HECTD4: variants seen among roughly 807,000 people sequenced by gnomAD.
HECTD4 encodes the protein probable E3 ubiquitin-protein ligase HECTD4.
HECTD4 carries 114 observed loss-of-function variants against 471.5 expected under a neutral mutation model. That is an observed-to-expected ratio of 0.24 (90% CI 0.21 to 0.28). The LOEUF is 0.28. HECTD4 is among the 10% of genes least tolerant of loss of function. HECTD4 has a pLI of 1.00. For synonymous variants in HECTD4, 2,012 were observed against 2,256.0 expected, an observed-to-expected ratio of 0.89 and a Z score of 3.07; for missense variants, 3,866 against 5,651.5, an observed-to-expected ratio of 0.68 and a Z score of 10.13.
chr12:112,250,024 T>C, intron 25 of HECTD4, 120 bp downstream of exon 25: 1 of 760,170 alleles, frequency 1.3e-6, no homozygotes, highest in Admixed American at 2.4e-5. Flanking sequence ...ATTTTAACAT[T>C]CATGGAGTAA....
At chr12:112,169,924 G>A in intron 69 of HECTD4, 2 of 579,768 alleles carry the variant, frequency 3.4e-6, no homozygotes, top group East Asian at 2.9e-5. Context: ...TGCCTCTTGG[G>A]GAGGTCCTCG....
chr12:112,357,332 C>T (rs543848014), intron 1 of HECTD4, among the ~76,000 whole-genome samples: 3 of 152,242 alleles, frequency 2.0e-5, no homozygotes, highest in Admixed American at 1.3e-4. Flanking sequence ...GAAGTAGACA[C>T]GGACAGTGAG....
intron 55 of HECTD4, among the ~76,000 whole-genome samples, chr12:112,196,297 T>C (rs1348906243): frequency 2.6e-5 from 4 of 152,090 alleles, no homozygotes; most frequent in Non-Finnish European, 5.9e-5. Context: ...ACTTGATGAG[T>C]GTATGTGTGA....
intron 13 of HECTD4, 39 bp downstream of exon 13, chr12:112,269,665 A>T: frequency 1.2e-6 from 2 of 1,608,020 alleles, no homozygotes; most frequent in South Asian, 1.1e-5. Context: ...CAGAAGAATC[A>T]TTTTGCAGAG....
intron 11 of HECTD4, 36 bp downstream of exon 11, chr12:112,273,618 GA>G: frequency 6.2e-7 from 1 of 1,602,672 alleles, no homozygotes; most frequent in Non-Finnish European, 8.5e-7. Flanking sequence ...TATTTCAGAG[GA>G]AAATCTTTTC....
At chr12:112,320,295 C>T (rs1483238947) in intron 1 of HECTD4, among the ~76,000 whole-genome samples, 1 of 152,050 alleles carries the variant, frequency 6.6e-6, no homozygotes, top group Non-Finnish European at 1.5e-5. Context: ...TGATGGTGCC[C>T]TGCACTACAG....
chr12:112,291,569 T>A (rs1452987636), intron 7 of HECTD4, among the ~76,000 whole-genome samples: 2 of 151,678 alleles, frequency 1.3e-5, no homozygotes, highest in Non-Finnish European at 2.9e-5. Context: ...GACCCCCCCA[T>A]CTTTAAAAAA....
intron 1 of HECTD4, among the ~76,000 whole-genome samples, chr12:112,362,908 G>GCC (rs1194522264): frequency 1.3e-5 from 2 of 152,020 alleles, no homozygotes; most frequent in African/African-American, 4.8e-5. Flanking sequence ...CACCATGTTT[G>GCC]CCAGGCTGGT....
intron 55 of HECTD4, among the ~76,000 whole-genome samples, chr12:112,200,207 G>A (rs1349154814): frequency 6.6e-6 from 1 of 150,738 alleles, no homozygotes; most frequent in African/African-American, 2.4e-5. Flanking sequence ...GGGTTGGAGT[G>A]CAGTGGCACA....
At chr12:112,180,824 T>TG (rs1292192351) in intron 62 of HECTD4, among the ~76,000 whole-genome samples, 3 of 152,198 alleles carry the variant, frequency 2.0e-5, no homozygotes, top group Admixed American at 6.5e-5. Context: ...GGGACAAGGC[T>TG]GGGACCAGGG....
At chr12:112,191,098 G>A in intron 59 of HECTD4, 133 bp from the exon 60 acceptor site, 1 of 687,346 alleles carries the variant, frequency 1.5e-6, no homozygotes, top group Non-Finnish European at 2.4e-6. Flanking sequence ...TCCAGCAGGA[G>A]GACACATAAC....
At position 112,381,870 on chromosome 12, in the gene HECTD4, T is replaced by TG; in HGVS notation, c.177+81dup. 2 of 1,028,106 alleles carry TG rather than the reference T, an allele frequency of 1.9e-6. No homozygotes were observed. The highest frequency in any genetic ancestry group is 2.5e-6 in the Non-Finnish European group (2 of 807,472). The allele number at this position is 1,028,106 out of a possible 1,614,324, so 63.7% of individuals were successfully genotyped here. ...AGCCGCCGGGAGGCGAGGCCGCGGC[T>TG]GAGGCGAGGAGGGGGCCCGACCCGG... On this transcript the variant is annotated intron_variant, in intron 1 of 75. Transcript: ENST00000682272. This position sits in a 1 kb window ranked among gnomAD's most constrained non-coding sequence, Gnocchi z 4.1.
Position 112,179,441 on chromosome 12 carries a change from C to A in HECTD4, c.10988-44G>T. ...GCAAAACAATTCTGCCGTGAACATG[C>A]ATCGGGACAAGCCCTGCGAGCATTC... On this transcript the variant is annotated intron_variant, in intron 62 of 75. Transcript: ENST00000682272. This position sits in a 1 kb window ranked among gnomAD's most constrained non-coding sequence, Gnocchi z 4.3. The A allele has an allele frequency of 6.6e-7, 1 of 1,506,368 alleles. No individual in the cohort carries two copies. Among genetic ancestry groups the A allele is most frequent in the Non-Finnish European group, 9.1e-7 (1 of 1,097,082 alleles). 93.3% of individuals were successfully genotyped at this position (1,506,368 alleles called of 1,614,324 possible).
Position 112,217,200 on chromosome 12 carries a change from A to G in HECTD4, c.7075-5T>C, listed in dbSNP as rs781289812. ...GCTCCAAGTAATCTCTTTGGGCTGC[A>G]TCAGGGAGAAAAACCCATATTCAGT... On this transcript the variant is annotated splice_polypyrimidine_tract_variant and splice_region_variant and intron_variant, in intron 45 of 75. Coordinates refer to ENST00000682272, the MANE Select transcript of HECTD4 (RefSeq NM_001388303.1). 6.7e-7 allele frequency: 1 copy of G among 1,500,024 alleles called. No individual in the cohort carries two copies. 92.9% of individuals were successfully genotyped at this position (1,500,024 alleles called of 1,614,324 possible). A position where few individuals can be genotyped will look rare whatever the true frequency, so the allele number is the denominator to read the frequency against.
At chr12:112,281,564 T>G (rs1316644526) in intron 8 of HECTD4, among the ~76,000 whole-genome samples, 1 of 152,128 alleles carries the variant, frequency 6.6e-6, no homozygotes, top group Non-Finnish European at 1.5e-5. Context: ...CAAAAAAAAC[T>G]GTCCTCTAGA....
At chr12:112,332,586 A>G (rs1406493699) in intron 1 of HECTD4, among the ~76,000 whole-genome samples, 2 of 150,740 alleles carry the variant, frequency 1.3e-5, no homozygotes, top group Non-Finnish European at 3.0e-5. Context: ...ATTTCTAAAG[A>G]TTTTTCCAGA....
At chr12:112,375,823 C>G (rs1177470983) in intron 1 of HECTD4, among the ~76,000 whole-genome samples, 1 of 151,542 alleles carries the variant, frequency 6.6e-6, no homozygotes, top group Non-Finnish European at 1.5e-5. Context: ...AATCCCAAAA[C>G]TTTGAGAGGT....
chr12:112,231,693 G>A lies in HECTD4; in HGVS notation c.6020C>T (p.Thr2007Ile). 6.2e-7 allele frequency: 1 copy of A among 1,612,234 alleles called. No individual in the cohort carries two copies. Among genetic ancestry groups the A allele is most frequent in the East Asian group, 2.2e-5 (1 of 44,882 alleles). The change falls in exon 39 of 76, where the codon ACA (threonine) becomes ATA (isoleucine). Residue 2007 changes from threonine (T) to isoleucine (I), a missense_variant. Physicochemically the swap from Thr to Ile is moderately conservative, Grantham distance 89. Transcript: ENST00000682272. ...CCGCAGGGCGGCTGCAGCCTCTTCT[G>A]TAATCACTTCGCAACAGCCACCCTG... ...MTKGGCCEVITEEAAAALRKA... is the reference protein window; with the variant it reads ...MTKGGCCEVIIEEAAAALRKA...
Position 112,243,784 on chromosome 12 carries a change from T to C in HECTD4, c.4650-23A>G. ...CGCCTACGGGGAACACAGAACAGAC[T>C]GGCAAGACGAGAAACACACTCAGGG... is the stretch of plus-strand genomic sequence containing the variant. On this transcript the variant is annotated intron_variant, in intron 30 of 75. Coordinates refer to ENST00000682272, the MANE Select transcript of HECTD4 (RefSeq NM_001388303.1). This position sits in a 1 kb window ranked among gnomAD's most constrained non-coding sequence, Gnocchi z 6.6. The C allele has an allele frequency of 6.2e-7, 1 of 1,610,204 alleles. No individual in the cohort carries two copies. Among genetic ancestry groups the C allele is most frequent in the Non-Finnish European group, 8.5e-7 (1 of 1,177,062 alleles).
Sources: gnomAD v4.1 joint callset for allele counts (sites outside exome capture counted in the v4.1 genomes callset) on GRCh38, gnomAD v4.1.1 for gene constraint, Gnocchi (gnomAD v3.1) non-coding constraint, MANE v1.5 for transcripts, NCBI Gene and HGNC (gene_info 2026-07-23, HGNC 2026-07-21) for gene names.